MAP4: variants seen among roughly 807,000 people sequenced by gnomAD.
MAP4 encodes the protein microtubule-associated protein 4.
MAP4 carries 76 observed loss-of-function variants against 170.2 expected under a neutral mutation model. The observed-to-expected ratio is 0.45, with a 90% CI of 0.37 to 0.54. The LOEUF is 0.54. Ranked by LOEUF, MAP4 falls within the 20% of genes least tolerant of loss-of-function variation. The pLI is 0.00. For synonymous variants in MAP4, 909 were observed against 994.5 expected (o/e 0.91, Z 1.62); for missense variants, 2,506 against 2,748.0 (o/e 0.91, Z 1.97).
chr3:48,044,676 T>A (rs932971298), intron 1 of MAP4, among the ~76,000 whole-genome samples: 8 of 152,158 alleles, frequency 5.3e-5, no homozygotes, highest in African/African-American at 1.9e-4. Context: ...GGCAGGAGAA[T>A]TGTTTGAACC....
At chr3:47,894,540 G>T (rs749118264) in intron 10 of MAP4, among the ~76,000 whole-genome samples, 15 of 151,844 alleles carry the variant, frequency 9.9e-5, no homozygotes, top group Non-Finnish European at 1.9e-4. Flanking sequence ...CTGAGATCAC[G>T]CCACTGCACT....
At position 47,952,047 on chromosome 3, in the gene MAP4, G is replaced by A. The variant is rs370497290; in HGVS notation, c.293-23697C>T. ...AGCGCCTCTGCCCGGCCGCGACCCC[G>A]TCTGGGAGGTGAGGAGCGTCTCTGC... On this transcript the variant is annotated intron_variant, in intron 3 of 20. Coordinates refer to ENST00000683076, the MANE Select transcript of MAP4 (RefSeq NM_001385682.1). 2.1e-4 allele frequency among the ~76,000 whole-genome samples: 32 copies of A among 148,898 alleles called. No homozygotes were observed. The East Asian group carries it at 5.3e-3, about 24-fold the overall frequency.
intron 1 of MAP4, among the ~76,000 whole-genome samples, chr3:48,078,152 G>C (rs544884889): frequency 4.5e-4 from 68 of 151,890 alleles, no homozygotes; most frequent in Non-Finnish European, 7.6e-4. Flanking sequence ...CTATGATTTT[G>C]TTTTGTTTTG....
At chr3:48,062,131 G>T (rs2100135915) in intron 1 of MAP4, among the ~76,000 whole-genome samples, 1 of 152,096 alleles carries the variant, frequency 6.6e-6, no homozygotes, top group Non-Finnish European at 1.5e-5. Flanking sequence ...GGGCATAGGA[G>T]ACTCCATTTT....
chr3:47,940,643 A>C (rs2100055691), intron 3 of MAP4, among the ~76,000 whole-genome samples: 1 of 152,230 alleles, frequency 6.6e-6, no homozygotes, highest in Non-Finnish European at 1.5e-5. Context: ...CTAATTAAAC[A>C]AGTAGCATAT....
At chr3:48,075,159 T>C (rs1025331823) in intron 1 of MAP4, among the ~76,000 whole-genome samples, 18 of 152,200 alleles carry the variant, frequency 1.2e-4, no homozygotes, top group Non-Finnish European at 2.6e-4. Flanking sequence ...TAGCAGATAG[T>C]AGTACCACAG....
intron 18 of MAP4, among the ~76,000 whole-genome samples, chr3:47,856,640 T>C (rs2057041024): frequency 1.3e-5 from 2 of 152,218 alleles, no homozygotes; most frequent in Non-Finnish European, 2.9e-5. Flanking sequence ...TTGGCCAGGC[T>C]GTTCTCAAAC....
intron 10 of MAP4, among the ~76,000 whole-genome samples, chr3:47,883,647 C>G (rs867243051): frequency 6.6e-6 from 1 of 152,216 alleles, no homozygotes; most frequent in Non-Finnish European, 1.5e-5. Context: ...GGTATGTCTA[C>G]TAGCAACAAA....
chr3:48,060,857 T>C (rs1416546528), intron 1 of MAP4, among the ~76,000 whole-genome samples: 1 of 152,176 alleles, frequency 6.6e-6, no homozygotes, highest in Non-Finnish European at 1.5e-5. Context: ...ATAACTTTTT[T>C]TATTTTTGAG....
intron 2 of MAP4, among the ~76,000 whole-genome samples, chr3:47,987,099 T>C (rs1018576430): frequency 2.0e-5 from 3 of 152,234 alleles, no homozygotes; most frequent in Non-Finnish European, 2.9e-5. Flanking sequence ...CATGAGATTC[T>C]TCATAATTTC....
upstream of MAP4, among the ~76,000 whole-genome samples, chr3:48,021,264 C>T (rs2154480100): frequency 6.6e-6 from 1 of 152,142 alleles, no homozygotes; most frequent in African/African-American, 2.4e-5. Context: ...TTAGGAAAAA[C>T]CTATAAGGTT....
At chr3:48,087,645 G>A (rs927760571) in intron 1 of MAP4, among the ~76,000 whole-genome samples, 1 of 152,080 alleles carries the variant, frequency 6.6e-6, no homozygotes. Flanking sequence ...CCCTGGGAAA[G>A]AGCAGAGGCA....
intron 1 of MAP4, among the ~76,000 whole-genome samples, chr3:48,037,925 G>T (rs546249140): frequency 5.3e-5 from 8 of 152,176 alleles, no homozygotes; most frequent in Admixed American, 5.2e-4. Context: ...CCAGCACTTT[G>T]GGAGGCCAAG....
At chr3:48,024,527 T>G (rs763338422) in intron 1 of MAP4, among the ~76,000 whole-genome samples, 33 of 152,148 alleles carry the variant, frequency 2.2e-4, no homozygotes, top group Non-Finnish European at 4.1e-4. Flanking sequence ...TTCTGCTTGC[T>G]GGTGCTCTTT....
chr3:47,875,780 G>A lies in MAP4; in HGVS notation c.5662C>T (p.Leu1888Phe), dbSNP rs777732455. Residue 1888 changes from leucine to phenylalanine, a missense_variant, in exon 12 of 21, where the codon CTT (leucine) becomes TTT (phenylalanine). Physicochemically the swap from Leu to Phe is conservative, Grantham distance 22. Transcript: ENST00000683076. ...GCAGCTGGCACTAAGCCTGAAGCAAGGCTCATGGGTTTTTTATTCAACCCA... is the reference window on the plus strand; with the variant it reads ...GCAGCTGGCACTAAGCCTGAAGCAAAGCTCATGGGTTTTTTATTCAACCCA... ...IGGLNKKPMS[L>F]ASGLVPAAPP... is the part of the protein sequence containing the mutation. 6.8e-6 allele frequency: 11 copies of A among 1,614,124 alleles called. No individual in the cohort carries two copies. The South Asian group carries it at 9.9e-5, about 14-fold the overall frequency.
At chr3:47,917,368 A>G (rs996612965) in intron 6 of MAP4, among the ~76,000 whole-genome samples, 194 bp from the exon 7 acceptor site, 1 of 152,150 alleles carries the variant, frequency 6.6e-6, no homozygotes, top group Admixed American at 6.6e-5. Flanking sequence ...CGGATGGATC[A>G]TCTGAGGTCA....
At chr3:47,887,146 C>T (rs927051213) in intron 10 of MAP4, among the ~76,000 whole-genome samples, 1 of 152,244 alleles carries the variant, frequency 6.6e-6, no homozygotes, top group Admixed American at 6.5e-5. Flanking sequence ...ACTGTGGGAC[C>T]CCCTTTCTGG....
upstream of MAP4, among the ~76,000 whole-genome samples, chr3:48,020,969 G>A (rs1298651630): frequency 6.6e-6 from 1 of 152,154 alleles, no homozygotes; most frequent in Non-Finnish European, 1.5e-5. Context: ...AAAAATCTCA[G>A]TGTTGTTGGT....
chr3:47,853,039 C>T, intron 20 of MAP4, 101 bp from the exon 21 acceptor site: 1 of 1,614,176 alleles, frequency 6.2e-7, no homozygotes, highest in Non-Finnish European at 8.5e-7. Flanking sequence ...TCATTAGATG[C>T]CTGGAAAATA....
Sources: gnomAD v4.1 joint callset for allele counts (sites outside exome capture counted in the v4.1 genomes callset) on GRCh38, gnomAD v4.1.1 for gene constraint, MANE v1.5 for transcripts, NCBI Gene and HGNC (gene_info 2026-07-23, HGNC 2026-07-21) for gene names.